The following FAXC variants were observed in gnomAD, a reference collection of about 807,000 sequenced individuals.
FAXC encodes the protein failed axon connections homolog.
Under a neutral mutation model 41.9 loss-of-function variants are expected in FAXC, and 10 were observed. That is an observed-to-expected ratio of 0.24 (90% CI 0.15 to 0.41). The LOEUF is 0.41. Ranked by LOEUF, FAXC falls within the 10% of genes least tolerant of loss-of-function variation. The pLI, the probability that FAXC is intolerant of heterozygous loss-of-function variation, is 1.00. For missense variants in FAXC, 399 were observed against 510.9 expected (o/e 0.78, Z 2.11); for synonymous variants, 183 against 183.8 (o/e 1.00, Z 0.03).
intron 4 of FAXC, among the ~76,000 whole-genome samples, chr6:99,300,881 C>G (rs2076517): frequency 0.053 from 8,024 of 152,266 alleles, 704 homozygotes; most frequent in East Asian, 0.45. Context: ...TTATAAGGAA[C>G]TCGCCCATCT....
intron 2 of FAXC, 122 bp downstream of exon 2, chr6:99,342,776 C>T: frequency 3.6e-6 from 3 of 828,428 alleles, no homozygotes; most frequent in Non-Finnish European, 5.5e-6. Context: ...TTAGGCACTG[C>T]TAGTTTCAGC....
intron 3 of FAXC, among the ~76,000 whole-genome samples, chr6:99,329,603 C>G (rs1772954986): frequency 6.6e-6 from 1 of 152,080 alleles, no homozygotes; most frequent in African/African-American, 2.4e-5. Flanking sequence ...GTTTCACAAG[C>G]ATTACATCAA....
chr6:99,298,348 G>C (rs1372341732), intron 4 of FAXC, among the ~76,000 whole-genome samples: 1 of 151,880 alleles, frequency 6.6e-6, no homozygotes, highest in Non-Finnish European at 1.5e-5. Flanking sequence ...GGGATTCCAG[G>C]CATACAGCAC....
chr6:99,326,890 T>C (rs1049779844), intron 3 of FAXC, among the ~76,000 whole-genome samples: 8 of 152,058 alleles, frequency 5.3e-5, no homozygotes, highest in Admixed American at 2.0e-4. Flanking sequence ...CACAGCAGTG[T>C]AGAGAGTTTT....
At chr6:99,282,803 A>C (rs936319421) in intron 5 of FAXC, among the ~76,000 whole-genome samples, 1 of 152,254 alleles carries the variant, frequency 6.6e-6, no homozygotes, top group Non-Finnish European at 1.5e-5. Flanking sequence ...AAAATTAGAA[A>C]AAACAGATAA....
chr6:99,315,615 TAAC>T (rs1434522557), intron 4 of FAXC, among the ~76,000 whole-genome samples: 3 of 152,340 alleles, frequency 2.0e-5, no homozygotes, highest in Admixed American at 2.0e-4. Flanking sequence ...CTAAGGTGTC[TAAC>T]AACAGAAAAG....
intron 4 of FAXC, among the ~76,000 whole-genome samples, chr6:99,311,279 G>A (rs907693046): frequency 2.0e-5 from 3 of 152,138 alleles, no homozygotes; most frequent in African/African-American, 4.8e-5. Flanking sequence ...CCCAGAGAGT[G>A]AACATAAAAT....
chr6:99,313,906 C>G (rs1772238281), intron 4 of FAXC, among the ~76,000 whole-genome samples: 1 of 152,184 alleles, frequency 6.6e-6, no homozygotes, highest in African/African-American at 2.4e-5. Flanking sequence ...ATACCCACAC[C>G]TGAAATTCAT....
chr6:99,302,941 T>A, intron 4 of FAXC, among the ~76,000 whole-genome samples: 1 of 152,172 alleles, frequency 6.6e-6, no homozygotes, highest in Non-Finnish European at 1.5e-5. Flanking sequence ...AGGTGGTGAT[T>A]GTAAAGTTGT....
At chr6:99,315,970 A>G (rs1772335175) in intron 4 of FAXC, among the ~76,000 whole-genome samples, 1 of 152,218 alleles carries the variant, frequency 6.6e-6, no homozygotes, top group South Asian at 2.1e-4. Context: ...TAGCTGCTGT[A>G]TCACCACCCA....
At chr6:99,330,455 AG>A (rs1772990563) in intron 3 of FAXC, among the ~76,000 whole-genome samples, 2 of 152,202 alleles carry the variant, frequency 1.3e-5, no homozygotes, top group Non-Finnish European at 2.9e-5. Context: ...TTATAATGCA[AG>A]GGGGACATCA....
intron 2 of FAXC, among the ~76,000 whole-genome samples, chr6:99,340,666 C>CT (rs61071426): frequency 4.0e-4 from 39 of 96,898 alleles, no homozygotes; most frequent in Admixed American, 1.4e-3. Context: ...GCTAAAATTC[C>CT]TTTTTTTTTT....
chr6:99,340,169 G>A (rs1040864330), intron 2 of FAXC, among the ~76,000 whole-genome samples: 1 of 151,952 alleles, frequency 6.6e-6, no homozygotes, highest in Non-Finnish European at 1.5e-5. Context: ...GCGTGATCTC[G>A]GCTCACCACA....
At chr6:99,288,166 G>T (rs1251612401) in intron 5 of FAXC, among the ~76,000 whole-genome samples, 1 of 152,160 alleles carries the variant, frequency 6.6e-6, no homozygotes, top group African/African-American at 2.4e-5. Flanking sequence ...ATTTCTGAAA[G>T]AAAAAATTCT....
At position 99,279,026 on chromosome 6, in the gene FAXC, C is replaced by T. The variant is rs1770728829; in HGVS notation, c.*2138G>A. ...AAAATGTGGTGGGAAAAGGACAACC[C>T]ATGCTTTGTGGAGACAGGTCTGCAG... is the stretch of plus-strand genomic sequence containing the variant. On this transcript the variant is annotated 3_prime_UTR_variant, in exon 6 of 6. Transcript: ENST00000389677. 1.3e-5 allele frequency: 2 copies of T among 152,086 alleles called. No individual in the cohort carries two copies. The highest frequency in any genetic ancestry group is 6.6e-5 in the Admixed American group (1 of 15,266). 9.4% of individuals were successfully genotyped at this position (152,086 alleles called of 1,614,324 possible).
In FAXC at chr6:99,276,932, A is replaced by G. The variant is rs1770649253; in HGVS notation, c.*4232T>C. The G allele has an allele frequency of 6.6e-6, 1 of 152,222 alleles. No individual in the cohort carries two copies. The highest frequency in any genetic ancestry group is 1.5e-5 in the Non-Finnish European group (1 of 68,046). The allele number at this position is 152,222 out of a possible 1,614,324, so 9.4% of individuals were successfully genotyped here. On this transcript the variant is annotated 3_prime_UTR_variant, in exon 6 of 6. Coordinates refer to ENST00000389677, the MANE Select transcript of FAXC (RefSeq NM_032511.4). The stretch of plus-strand genomic sequence containing the variant: ...TGAGCATCTTTCCCATGCAACCTTC[A>G]GGGAAGGAAGTGATGAGTGCTTCAT...
chr6:99,338,681 C>G (rs147767715), intron 2 of FAXC, among the ~76,000 whole-genome samples: 579 of 152,290 alleles, frequency 3.8e-3, no homozygotes, highest in African/African-American at 0.013. Context: ...GCAATCTCTT[C>G]CTTCAATTTG....
intron 4 of FAXC, among the ~76,000 whole-genome samples, chr6:99,298,229 C>CTTTTTTTTTT (rs57836761): frequency 7.0e-6 from 1 of 142,458 alleles, no homozygotes; most frequent in Non-Finnish European, 1.5e-5. Flanking sequence ...ACCTGGAAGG[C>CTTTTTTTTTT]TTTTTTTTTT....
In FAXC at chr6:99,273,396, T is replaced by A. The variant is rs1221404019; in HGVS notation, c.*7768A>T. 6.6e-6 allele frequency: 1 copy of A among 151,804 alleles called. No homozygotes were observed. Among genetic ancestry groups the A allele is most frequent in the Non-Finnish European group, 1.5e-5 (1 of 67,976 alleles). 9.4% of individuals were successfully genotyped at this position (151,804 alleles called of 1,614,324 possible). A position where few individuals can be genotyped will look rare whatever the true frequency, so the allele number is the denominator to read the frequency against. ...ATTATCAGGCATTATCAAAACATGTTTTTCAGATTGATGCTGAAATTCACA... is the reference window on the plus strand; with the variant it reads ...ATTATCAGGCATTATCAAAACATGTATTTCAGATTGATGCTGAAATTCACA... On this transcript the variant is annotated 3_prime_UTR_variant, in exon 6 of 6. Coordinates refer to ENST00000389677, the MANE Select transcript of FAXC (RefSeq NM_032511.4).
Sources: allele counts gnomAD v4.1 joint callset (sites outside exome capture counted in the v4.1 genomes callset), GRCh38; gene constraint gnomAD v4.1.1; transcripts MANE v1.5; gene names NCBI Gene and HGNC (gene_info 2026-07-23, HGNC 2026-07-21).